The following ACADL variants were observed in gnomAD, a reference collection of about 807,000 sequenced individuals.
ACADL encodes acyl-CoA dehydrogenase long chain.
Under a neutral mutation model 56.9 loss-of-function variants are expected in ACADL, and 60 were observed. The ratio of observed to expected loss-of-function variants is 1.05; its 90% confidence interval spans 0.86 to 1.31. The LOEUF (loss-of-function observed/expected upper bound fraction) is 1.31. Among genes scored for constraint, ACADL ranks in the 50% most tolerant of loss-of-function variants. The probability of loss-of-function intolerance (pLI) is 0.00; values close to 1 mark genes in which losing one functional copy is unlikely to be tolerated. For synonymous variants in ACADL, 158 were observed against 179.7 expected (o/e 0.88, Z 0.97); for missense variants, 484 against 525.5 (o/e 0.92, Z 0.77).
intron 3 of ACADL, 107 bp downstream of exon 3, chr2:210,217,858 C>T (rs1689112824): frequency 8.3e-6 from 12 of 1,447,426 alleles, no homozygotes; most frequent in East Asian, 2.3e-5. Flanking sequence ...TTTCAATCTT[C>T]CAAGATTAGA....
intron 10 of ACADL, among the ~76,000 whole-genome samples, chr2:210,190,836 C>CT (rs1390464350): frequency 2.6e-5 from 4 of 151,754 alleles, no homozygotes; most frequent in South Asian, 4.2e-4. Context: ...GAAGATTTTT[C>CT]TTTTTTTATC....
At chr2:210,197,546 T>C (rs1688729422) in intron 8 of ACADL, among the ~76,000 whole-genome samples, 1 of 152,088 alleles carries the variant, frequency 6.6e-6, no homozygotes, top group South Asian at 2.1e-4. Flanking sequence ...AACAGATGAG[T>C]ATTCCATGAA....
intron 5 of ACADL, among the ~76,000 whole-genome samples, chr2:210,206,818 C>T (rs1447749683): frequency 6.6e-6 from 1 of 152,052 alleles, no homozygotes; most frequent in Non-Finnish European, 1.5e-5. Context: ...GACAGGGTCT[C>T]TCTCACCCAG....
chr2:210,224,703 G>T, intron 1 of ACADL: 3 of 986,830 alleles, frequency 3.0e-6, no homozygotes, highest in Non-Finnish European at 2.4e-6. Flanking sequence ...GCCGCAGCCC[G>T]GGCACTGAGT....
At chr2:210,196,539 T>C (rs1302255630) in intron 8 of ACADL, among the ~76,000 whole-genome samples, 1 of 152,158 alleles carries the variant, frequency 6.6e-6, no homozygotes, top group Admixed American at 6.6e-5. Context: ...CATTCCTGAC[T>C]CTAGGCTCTC....
intron 5 of ACADL, among the ~76,000 whole-genome samples, chr2:210,209,198 T>C (rs1051822648): frequency 6.6e-6 from 1 of 152,232 alleles, no homozygotes; most frequent in Non-Finnish European, 1.5e-5. Context: ...CCCAAACTTA[T>C]AAAAACTAAT....
rs1334476714 is a variant in ACADL at position 210,215,324 on chromosome 2, A to G, written c.536+1023T>C. The stretch of plus-strand genomic sequence containing the variant: ...AACTTCTGCCCCTCCACCCCACTGA[A>G]ATCACAAAGGATCATCAGGCCTGCC... On this transcript the variant is annotated intron_variant, in intron 4 of 10. Coordinates refer to ENST00000233710, the MANE Select transcript of ACADL (RefSeq NM_001608.4). 1.1e-4 allele frequency among the ~76,000 whole-genome samples: 16 copies of G among 151,944 alleles called. 1 individual carries two copies. Among genetic ancestry groups the G allele is most frequent in the Admixed American group, 1.0e-3 (16 of 15,240 alleles).
At chr2:210,191,694 T>C (rs1310244361) in intron 10 of ACADL, among the ~76,000 whole-genome samples, 1 of 152,214 alleles carries the variant, frequency 6.6e-6, no homozygotes, top group Non-Finnish European at 1.5e-5. Flanking sequence ...TTTTTCCCTT[T>C]AGATACTTTA....
At chr2:210,214,014 C>A (rs1689031792) in intron 4 of ACADL, among the ~76,000 whole-genome samples, 1 of 118,950 alleles carries the variant, frequency 8.4e-6, no homozygotes. Context: ...GACCCCATCT[C>A]TATTTCTTTA....
At chr2:210,195,360 A>C in intron 8 of ACADL, 22 bp from the exon 9 acceptor site, 1 of 1,603,708 alleles carries the variant, frequency 6.2e-7, no homozygotes, top group Non-Finnish European at 8.5e-7. Context: ...AGGAAATAAA[A>C]GAAAAAAGTG....
intron 9 of ACADL, among the ~76,000 whole-genome samples, chr2:210,194,412 G>A (rs1175685058): frequency 6.6e-6 from 1 of 152,086 alleles, no homozygotes; most frequent in East Asian, 1.9e-4. Flanking sequence ...TTGGGCTAAT[G>A]ATATGGGAGA....
chr2:210,216,616 T>C (rs1689091278), intron 3 of ACADL, 105 bp from the exon 4 acceptor site: 6 of 1,052,348 alleles, frequency 5.7e-6, no homozygotes, highest in African/African-American at 1.6e-5. Context: ...GGTAGTGGCC[T>C]ATCTCATCAC....
intron 4 of ACADL, among the ~76,000 whole-genome samples, chr2:210,210,980 T>C (rs1688969677): frequency 6.6e-6 from 1 of 152,092 alleles, no homozygotes; most frequent in Admixed American, 6.6e-5. Context: ...GCCATTTTTT[T>C]CTAACAAACC....
chr2:210,205,014 G>GT lies in ACADL; in HGVS notation c.769-333dup, dbSNP rs535902380. 1.3e-3 allele frequency among the ~76,000 whole-genome samples: 191 copies of GT among 151,734 alleles called. 1 individual carries two copies. Among genetic ancestry groups the GT allele is most frequent in the South Asian group, 0.01 (49 of 4,780 alleles). ...AATGTATAGAAAGAACATTTTCTGG[G>GT]TTTTTTTTGTTTGTTTGTTTTATTT... On this transcript the variant is annotated intron_variant, in intron 6 of 10. Coordinates refer to ENST00000233710, the MANE Select transcript of ACADL (RefSeq NM_001608.4).
chr2:210,223,179 C>G (rs1328413374), intron 1 of ACADL, among the ~76,000 whole-genome samples: 1 of 152,034 alleles, frequency 6.6e-6, no homozygotes, highest in East Asian at 1.9e-4. Context: ...TCAGGTCAGT[C>G]AAAGGTGGTC....
chr2:210,219,902 A>C (rs1689146595), intron 2 of ACADL, among the ~76,000 whole-genome samples: 3 of 152,124 alleles, frequency 2.0e-5, no homozygotes, highest in Admixed American at 1.3e-4. Flanking sequence ...AATTGTTTTG[A>C]GCATGTTTAA....
rs1296409072 is a variant in ACADL at position 210,204,462 on chromosome 2, T to A, written c.870+119A>T. 5 of 759,690 alleles carry A rather than the reference T, an allele frequency of 6.6e-6. No individual in the cohort carries two copies. The Admixed American group carries it at 1.1e-4, about 17-fold the overall frequency. 47.1% of individuals were successfully genotyped at this position (759,690 alleles called of 1,614,324 possible). A position where few individuals can be genotyped will look rare whatever the true frequency, so the allele number is the denominator to read the frequency against. Reference sequence around the variant, plus strand: ...CAACTTTAATACTCAAATGATTAGCTATTTCACAAGTTTTGCATGTATAAA... The same window carrying A: ...CAACTTTAATACTCAAATGATTAGCAATTTCACAAGTTTTGCATGTATAAA... On this transcript the variant is annotated intron_variant, in intron 7 of 10. Transcript: ENST00000233710.
rs568798008 is a variant in ACADL at position 210,203,228 on chromosome 2, A to G, written c.984+103T>C. On this transcript the variant is annotated intron_variant, in intron 8 of 10. Transcript: ENST00000233710. ...ATCTCATCCACTTCCATGGTTTCTA[A>G]TATCACCTTACATGAAAATAACTCC... is the stretch of plus-strand genomic sequence containing the variant. 10 of 792,260 alleles carry G rather than the reference A, an allele frequency of 1.3e-5. No individual in the cohort carries two copies. The Admixed American group carries it at 1.6e-4, about 13-fold the overall frequency. The allele number at this position is 792,260 out of a possible 1,614,324, so 49.1% of individuals were successfully genotyped here. A position where few individuals can be genotyped will look rare whatever the true frequency, so the allele number is the denominator to read the frequency against.
At position 210,195,942 on chromosome 2, in the gene ACADL, T is replaced by C. The variant is rs1426392177; in HGVS notation, c.985-604A>G. Among the ~76,000 whole-genome samples, 3 of 152,280 alleles carry C rather than the reference T, an allele frequency of 2.0e-5. No individual in the cohort carries two copies. In the South Asian group the frequency reaches 6.2e-4, roughly 32 times the overall value. ...CAAAATCCAGTACCCTCATCCTCTT[T>C]CATCCCTTCACATTATCCCTTCTGA... On this transcript the variant is annotated intron_variant, in intron 8 of 10. Transcript: ENST00000233710.
Sources: gnomAD v4.1 joint callset for allele counts (sites outside exome capture counted in the v4.1 genomes callset) on GRCh38, gnomAD v4.1.1 for gene constraint, MANE v1.5 for transcripts, NCBI Gene and HGNC (gene_info 2026-07-23, HGNC 2026-07-21) for gene names.